Variants in DNAJC1 observed in about 807,000 individuals in gnomAD.
DNAJC1 encodes the protein dnaJ homolog subfamily C member 1.
A neutral mutation model predicts 76.6 loss-of-function variants in DNAJC1; 58 were observed. That is an observed-to-expected ratio of 0.76 (90% CI 0.61 to 0.94). The LOEUF is 0.94. Ranked by LOEUF, DNAJC1 falls within the 40% of genes least tolerant of loss-of-function variation. The pLI, the probability that DNAJC1 is intolerant of heterozygous loss-of-function variation, is 0.00. For missense variants in DNAJC1, 689 were observed against 677.3 expected (o/e 1.02, Z -0.19); for synonymous variants, 258 against 267.9 (o/e 0.96, Z 0.36).
At chr10:21,787,618 G>A (rs1310611444) in intron 9 of DNAJC1, among the ~76,000 whole-genome samples, 1 of 152,184 alleles carries the variant, frequency 6.6e-6, no homozygotes, top group Middle Eastern at 3.2e-3. Context: ...CAGAAACTCA[G>A]GATAGCCACA....
intron 9 of DNAJC1, chr10:21,785,330 A>G (rs140234493): frequency 6.6e-6 from 1 of 152,284 alleles, no homozygotes; most frequent in Non-Finnish European, 1.5e-5. Flanking sequence ...CCACTCTACT[A>G]ATTTGCAAGG....
chr10:21,839,883 C>T (rs530729997), intron 8 of DNAJC1, among the ~76,000 whole-genome samples: 2 of 152,328 alleles, frequency 1.3e-5, no homozygotes, highest in East Asian at 3.9e-4. Context: ...TCCAGCAGCA[C>T]ATCAAAAAGC....
chr10:21,989,454 C>T (rs1052576426), intron 1 of DNAJC1, among the ~76,000 whole-genome samples: 3 of 152,034 alleles, frequency 2.0e-5, no homozygotes, highest in African/African-American at 7.2e-5. Flanking sequence ...AGCTATAAGC[C>T]TCCTGGGCTC....
intron 9 of DNAJC1, among the ~76,000 whole-genome samples, chr10:21,804,842 G>A (rs1834864596): frequency 6.6e-6 from 1 of 151,748 alleles, no homozygotes; most frequent in Admixed American, 6.6e-5. Context: ...CAGGTCCATT[G>A]CAAAAACAAA....
Position 21,850,151 on chromosome 10 carries a change from A to G in DNAJC1, c.978+32131T>C, listed in dbSNP as rs75706628. Among the ~76,000 whole-genome samples, 675 of 152,314 alleles carry G rather than the reference A, an allele frequency of 4.4e-3. 3 individuals are homozygous for G. Among genetic ancestry groups the G allele is most frequent in the African/African-American group, 0.015 (642 of 41,578 alleles). On this transcript the variant is annotated intron_variant, in intron 8 of 11. Coordinates refer to ENST00000376980, the MANE Select transcript of DNAJC1 (RefSeq NM_022365.4). ...TGTGTAAGAAAGAGAAATAATGGAC[A>G]TCTGAATTGGAAGGAAAAAGTAAAA...
At chr10:21,902,863 G>C (rs35139543) in intron 7 of DNAJC1, among the ~76,000 whole-genome samples, 1 of 152,138 alleles carries the variant, frequency 6.6e-6, no homozygotes, top group African/African-American at 2.4e-5. Context: ...GTGTCCATGA[G>C]AGCAATCAAA....
chr10:21,850,503 T>C (rs1159117687), intron 8 of DNAJC1, among the ~76,000 whole-genome samples: 1 of 151,756 alleles, frequency 6.6e-6, no homozygotes, highest in African/African-American at 2.4e-5. Context: ...TGTTCATGTA[T>C]TGGAATACTT....
At chr10:21,884,629 G>C (rs185696218) in intron 7 of DNAJC1, among the ~76,000 whole-genome samples, 3 of 152,234 alleles carry the variant, frequency 2.0e-5, no homozygotes, top group Admixed American at 2.0e-4. Context: ...TTTCTTCATA[G>C]AGAGATGAAA....
intron 1 of DNAJC1, among the ~76,000 whole-genome samples, chr10:21,959,121 C>T (rs1439694386): frequency 3.3e-5 from 5 of 151,972 alleles, no homozygotes; most frequent in Admixed American, 1.3e-4. Flanking sequence ...ATCCAACATA[C>T]TGAACTTTTT....
At chr10:21,965,680 T>C (rs1001098861) in intron 1 of DNAJC1, among the ~76,000 whole-genome samples, 3 of 152,134 alleles carry the variant, frequency 2.0e-5, no homozygotes, top group Non-Finnish European at 4.4e-5. Context: ...AATATAGTAA[T>C]TAAGACAATT....
At chr10:21,843,775 T>C (rs1833570730) in intron 8 of DNAJC1, among the ~76,000 whole-genome samples, 1 of 151,984 alleles carries the variant, frequency 6.6e-6, no homozygotes. Context: ...AGTCTCACTC[T>C]GTCATCCAGG....
At chr10:21,915,579 A>G (rs950215747) in intron 6 of DNAJC1, among the ~76,000 whole-genome samples, 2 of 152,212 alleles carry the variant, frequency 1.3e-5, no homozygotes, top group Non-Finnish European at 2.9e-5. Context: ...TTACGCCAAA[A>G]GTAAAACTCT....
In DNAJC1 at chr10:21,814,006, C is replaced by T. The variant is rs555576804; in HGVS notation, c.979-7907G>A. On this transcript the variant is annotated intron_variant, in intron 8 of 11. Coordinates refer to ENST00000376980, the MANE Select transcript of DNAJC1 (RefSeq NM_022365.4). ...ACTGTAGCAGGCTACCTTATTTGCT[C>T]ACAAGTAAGGTAAAATCTCAAACTC... 3.0e-4 allele frequency among the ~76,000 whole-genome samples: 46 copies of T among 152,290 alleles called. No individual in the cohort carries two copies. The South Asian group carries it at 9.3e-3, about 31-fold the overall frequency.
chr10:21,920,488 TTAAA>T (rs1223754575), intron 4 of DNAJC1: 1 of 191,338 alleles, frequency 5.2e-6, no homozygotes, highest in African/African-American at 2.3e-5. Context: ...AAAATCAGTC[TTAAA>T]TAAAAAATAT....
intron 7 of DNAJC1, among the ~76,000 whole-genome samples, chr10:21,898,009 T>C (rs1367853797): frequency 6.6e-6 from 1 of 152,176 alleles, no homozygotes; most frequent in African/African-American, 2.4e-5. Context: ...CACTAATAAG[T>C]AAATTCAGCA....
At chr10:21,864,227 A>C (rs942957148) in intron 8 of DNAJC1, among the ~76,000 whole-genome samples, 2 of 152,126 alleles carry the variant, frequency 1.3e-5, no homozygotes, top group African/African-American at 4.8e-5. Context: ...CTGTCTCAAA[A>C]AGAAGGAAAC....
rs1835142119 is a variant in DNAJC1 at position 21,820,601 on chromosome 10, G to C, written c.979-14502C>G. On this transcript the variant is annotated intron_variant, in intron 8 of 11. Coordinates refer to ENST00000376980, the MANE Select transcript of DNAJC1 (RefSeq NM_022365.4). ...CCTGGGTGTCTGCCAATTCAATTCT[G>C]ACCCTATCTACCTGGAGACAGTGTC... Among the ~76,000 whole-genome samples the C allele has an allele frequency of 2.0e-5, 3 of 152,134 alleles. No individual in the cohort carries two copies. In the South Asian group the frequency reaches 6.2e-4, roughly 31 times the overall value.
intron 8 of DNAJC1, among the ~76,000 whole-genome samples, chr10:21,811,071 T>G (rs770566848): frequency 6.6e-6 from 1 of 152,202 alleles, no homozygotes; most frequent in Non-Finnish European, 1.5e-5. Context: ...TCCCCAGGAA[T>G]GCAGGTATGA....
At chr10:21,899,331 A>G (rs544860912) in intron 7 of DNAJC1, among the ~76,000 whole-genome samples, 1 of 152,290 alleles carries the variant, frequency 6.6e-6, no homozygotes, top group Admixed American at 6.5e-5. Flanking sequence ...ATCCAGGGAG[A>G]CAAGCAGCAT....
Sources: gnomAD v4.1 joint callset for allele counts (sites outside exome capture counted in the v4.1 genomes callset) on GRCh38, gnomAD v4.1.1 for gene constraint, MANE v1.5 for transcripts, NCBI Gene and HGNC (gene_info 2026-07-23, HGNC 2026-07-21) for gene names.